The following PABPC1L variants were observed in gnomAD, a reference collection of about 807,000 sequenced individuals.
PABPC1L encodes poly(A) binding protein cytoplasmic 1 like.
PABPC1L carries 31 observed loss-of-function variants against 66.6 expected under a neutral mutation model. The ratio of observed to expected loss-of-function variants is 0.47; its 90% CI spans 0.35 to 0.63. PABPC1L has a LOEUF of 0.63. Among genes scored for constraint, PABPC1L ranks in the 20% least tolerant of loss-of-function variants. The pLI is 0.00. For synonymous variants in PABPC1L, 348 were observed against 335.1 expected, an observed-to-expected ratio of 1.04 and a Z score of -0.42; for missense variants, 722 against 848.8, an observed-to-expected ratio of 0.85 and a Z score of 1.86.
At chr20:44,927,025 GC>G (rs1368781025) in intron 7 of PABPC1L, among the ~76,000 whole-genome samples, 1 of 151,726 alleles carries the variant, frequency 6.6e-6, no homozygotes, top group Non-Finnish European at 1.5e-5. Flanking sequence ...ACAGGCATGT[GC>G]CACCATGCCC....
In PABPC1L at chr20:44,910,104, CG is replaced by C. The variant is rs1249917159; in HGVS notation, c.-38del. The C allele has an allele frequency of 5.3e-6, 8 of 1,505,352 alleles. No homozygotes were observed. In the Admixed American group the frequency reaches 1.2e-4, roughly 23 times the overall value. The allele number at this position is 1,505,352 out of a possible 1,614,324, so 93.2% of individuals were successfully genotyped here. On this transcript the variant is annotated 5_prime_UTR_variant, in exon 1 of 15. Coordinates refer to ENST00000217073, the MANE Select transcript of PABPC1L (RefSeq NM_001372179.1). ...GTGAGCGCGGGGCTGCTGGGTGACC[CG>C]GCTCCTGCTTGCCCCGCAGCCCCGG...
intron 5 of PABPC1L, among the ~76,000 whole-genome samples, chr20:44,919,572 C>T (rs1005742114): frequency 6.6e-6 from 1 of 152,114 alleles, no homozygotes; most frequent in African/African-American, 2.4e-5. Flanking sequence ...CAGTTTCCAC[C>T]GGGTGTGGTG....
intron 11 of PABPC1L, among the ~76,000 whole-genome samples, chr20:44,936,077 A>T (rs1401421997): frequency 6.6e-6 from 1 of 151,800 alleles, no homozygotes; most frequent in Non-Finnish European, 1.5e-5. Context: ...GGCTCAAGTG[A>T]TCCTCCCACC....
intron 11 of PABPC1L, 152 bp from the exon 12 acceptor site, chr20:44,936,485 T>C (rs2066901405): frequency 4.9e-6 from 3 of 613,536 alleles, no homozygotes; most frequent in Admixed American, 3.2e-5. Flanking sequence ...TTGCCCTTGT[T>C]GGGGACTCTC....
chr20:44,916,953 C>T, intron 3 of PABPC1L, 82 bp downstream of exon 3: 2 of 1,359,018 alleles, frequency 1.5e-6, no homozygotes, highest in Non-Finnish European at 2.1e-6. Flanking sequence ...ATGCTACCCT[C>T]AAGCTGCTAA....
chr20:44,916,503 A>G (rs905876626), intron 2 of PABPC1L, among the ~76,000 whole-genome samples: 1 of 152,070 alleles, frequency 6.6e-6, no homozygotes, highest in Non-Finnish European at 1.5e-5. Context: ...CGAACTCCTG[A>G]CCTCAAGTGA....
Position 44,918,977 on chromosome 20 carries a change from A to G in PABPC1L, c.575A>G (p.Asn192Ser), listed in dbSNP as rs753095495. 1.1e-5 allele frequency: 17 copies of G among 1,613,396 alleles called. No homozygotes were observed. Among genetic ancestry groups the G allele is most frequent in the Non-Finnish European group, 1.4e-5 (17 of 1,179,708 alleles). The stretch of plus-strand genomic sequence containing the variant: ...GGGGCGCGGGCCCTGGAGTTCACCA[A>G]CATCTACGTGAAGAACCTCCCGGTG... ...ELGARALEFTNIYVKNLPVDV... is the reference protein window; with the variant it reads ...ELGARALEFTSIYVKNLPVDV... Residue 192 changes from asparagine (N) to serine (S), a missense_variant, in exon 4 of 15, where the codon AAC becomes AGC. By Grantham distance (46) the Asn-to-Ser change is conservative (BLOSUM62 1). This residue lies in a region of PABPC1L where 284 missense variants were observed against 294.8 expected (regional missense o/e 0.96). Coordinates refer to ENST00000217073, the MANE Select transcript of PABPC1L (RefSeq NM_001372179.1).
intron 13 of PABPC1L, among the ~76,000 whole-genome samples, 165 bp from the exon 14 acceptor site, chr20:44,938,509 G>A (rs1423127988): frequency 6.6e-6 from 1 of 152,158 alleles, no homozygotes; most frequent in Non-Finnish European, 1.5e-5. Context: ...GTGACAGACA[G>A]GGCCATGGGA....
At chr20:44,937,967 C>G in intron 12 of PABPC1L, 94 bp from the exon 13 acceptor site, 1 of 1,556,696 alleles carries the variant, frequency 6.4e-7, no homozygotes, top group Non-Finnish European at 8.7e-7. Flanking sequence ...GGGAGAAGAA[C>G]CCAGATGTCC....
At chr20:44,938,485 C>T (rs764480259) in intron 13 of PABPC1L, among the ~76,000 whole-genome samples, 189 bp from the exon 14 acceptor site, 1 of 152,108 alleles carries the variant, frequency 6.6e-6, no homozygotes, top group Non-Finnish European at 1.5e-5. Flanking sequence ...CAGCAATGTA[C>T]CTCTGTGTCA....
chr20:44,930,801 C>A, intron 8 of PABPC1L, 75 bp downstream of exon 8: 1 of 1,532,018 alleles, frequency 6.5e-7, no homozygotes, highest in Non-Finnish European at 8.7e-7. Flanking sequence ...GACTAGAGTT[C>A]TAGGGAAATG....
intron 3 of PABPC1L, among the ~76,000 whole-genome samples, chr20:44,917,791 G>A (rs1292694824): frequency 6.6e-6 from 1 of 152,010 alleles, no homozygotes; most frequent in East Asian, 1.9e-4. Context: ...CTCAGAGGAG[G>A]GTCCAGTCAA....
intron 7 of PABPC1L, among the ~76,000 whole-genome samples, chr20:44,925,210 C>CAAAAAAA (rs34623911): frequency 1.3e-5 from 1 of 75,482 alleles, no homozygotes. Context: ...GACTCTGTCT[C>CAAAAAAA]AAAAAAAAAA....
intron 2 of PABPC1L, 99 bp downstream of exon 2, chr20:44,912,952 C>A: frequency 8.5e-7 from 1 of 1,170,370 alleles, no homozygotes; most frequent in Non-Finnish European, 1.2e-6. Context: ...TTTACAAGGT[C>A]CTTTCAGTCA....
At chr20:44,934,449 G>A (rs890214121) in intron 10 of PABPC1L, among the ~76,000 whole-genome samples, 5 of 152,222 alleles carry the variant, frequency 3.3e-5, no homozygotes, top group Admixed American at 3.3e-4. Flanking sequence ...AGCTTGTAGA[G>A]CCGAAATTCT....
At position 44,936,504 on chromosome 20, in the gene PABPC1L, C is replaced by T. The variant is rs146393488; in HGVS notation, c.1567-133C>T. 30 of 685,964 alleles carry T rather than the reference C, an allele frequency of 4.4e-5. No homozygotes were observed. The African/African-American group carries it at 5.3e-4, about 12-fold the overall frequency. 42.5% of individuals were successfully genotyped at this position (685,964 alleles called of 1,614,324 possible). ...CCTTGTTGGGGACTCTCCACCCCAC[C>T]TGATCATCCAGACCTTGCCCTCTGT... On this transcript the variant is annotated intron_variant, in intron 11 of 14. Transcript: ENST00000217073.
chr20:44,937,310 C>T (rs1265524566), intron 12 of PABPC1L: 2 of 265,812 alleles, frequency 7.5e-6, no homozygotes, highest in Non-Finnish European at 1.5e-5. Context: ...CTGCATGGCC[C>T]CCGAGACCTC....
intron 7 of PABPC1L, among the ~76,000 whole-genome samples, chr20:44,928,878 A>AG (rs1968329008): frequency 1.4e-5 from 2 of 147,444 alleles, no homozygotes; most frequent in African/African-American, 2.6e-5. Context: ...AAAAAAAAAA[A>AG]AAAAAAAGAA....
intron 8 of PABPC1L, 31 bp downstream of exon 8, chr20:44,930,757 C>G: frequency 1.9e-6 from 3 of 1,600,670 alleles, no homozygotes; most frequent in African/African-American, 1.3e-5. Flanking sequence ...CCCACCGCAG[C>G]CTTCCCCCCT....
Sources: allele counts gnomAD v4.1 joint callset (sites outside exome capture counted in the v4.1 genomes callset), GRCh38; gene constraint gnomAD v4.1.1; regional missense constraint gnomAD v4.1.1; transcripts MANE v1.5; gene names NCBI Gene and HGNC (gene_info 2026-07-23, HGNC 2026-07-21).